PHEX: variants seen among roughly 807,000 people sequenced by gnomAD.
PHEX encodes phosphate-regulating neutral endopeptidase PHEX.
PHEX carries 16 observed loss-of-function variants against 68.0 expected under a neutral mutation model. The observed-to-expected ratio is 0.24, with a 90% CI of 0.16 to 0.36. The LOEUF is 0.36. PHEX is among the 10% of genes least tolerant of loss of function. The pLI is 1.00. For synonymous variants in PHEX, 208 were observed against 205.1 expected (o/e 1.01, Z -0.12); for missense variants, 480 against 575.5 (o/e 0.83, Z 1.70).
rs7882590 is a variant in PHEX, at chrX:22,099,430, C to T, written c.1079+279C>T. 0.046 allele frequency: 13,032 copies of T among 282,499 alleles called. 432 individuals carry two copies. The highest frequency in any genetic ancestry group is 0.15 in the African/African-American group (5,569 of 36,362). 23.3% of individuals were successfully genotyped at this position (282,499 alleles called of 1,213,427 possible). A position where few individuals can be genotyped will look rare whatever the true frequency, so the allele number is the denominator to read the frequency against. Reference sequence around the variant, plus strand: ...TTGTTTATGAGCTTGGGGAGCTAGTCATATAATGATGTTATTTTCTAAAAT... The same window carrying T: ...TTGTTTATGAGCTTGGGGAGCTAGTTATATAATGATGTTATTTTCTAAAAT... On this transcript the variant is annotated intron_variant, in intron 9 of 21. Transcript: ENST00000379374.
At chrX:22,107,029 A>G (rs931028693) in intron 9 of PHEX, among the ~76,000 whole-genome samples, 1 of 111,635 alleles carries the variant, frequency 9.0e-6, no homozygotes, top group African/African-American at 3.3e-5. Flanking sequence ...ACTTTTAACA[A>G]CTTCCCCAGG....
chrX:22,153,056 A>G (rs1039678007), intron 12 of PHEX, among the ~76,000 whole-genome samples: 1 of 108,749 alleles, frequency 9.2e-6, no homozygotes, highest in African/African-American at 3.4e-5. Context: ...CAGTGGCACC[A>G]TCATAGCTCA....
intron 9 of PHEX, among the ~76,000 whole-genome samples, chrX:22,104,441 A>T (rs777702353): frequency 9.1e-6 from 1 of 109,713 alleles, no homozygotes; most frequent in African/African-American, 3.3e-5. Context: ...CTGGTGTTTG[A>T]GGTGGAAAGG....
At position 22,126,358 on chromosome X, in the gene PHEX, G is replaced by T. The variant is rs751066580; in HGVS notation, c.1303-7165G>T. On this transcript the variant is annotated intron_variant, in intron 11 of 21. Transcript: ENST00000379374. ...TTGAAAGTGTGGGTTTAAGTGTTTG[G>T]GATTCATGGGTATGAGATAGGATTT... Among the ~76,000 whole-genome samples the T allele has an allele frequency of 9.8e-5, 11 of 111,700 alleles. No homozygotes were observed. In the South Asian group the frequency reaches 3.0e-3, roughly 30 times the overall value.
chrX:22,230,139 A>ACT (rs778813742), intron 20 of PHEX, among the ~76,000 whole-genome samples: 2 of 106,076 alleles, frequency 1.9e-5, no homozygotes, highest in South Asian at 8.5e-4. Flanking sequence ...TGTTTTGGAT[A>ACT]CTGCAGTCTT....
At position 22,250,793 on chromosome X, in the gene PHEX, T is replaced by C. The variant is rs1936545825; in HGVS notation, c.*2840T>C. Reference sequence around the variant, plus strand: ...AAGTTTATTTAGTGCCTTGCCTCAATGGAGCTTAAAGCATAGCACATAAAT... The same window carrying C: ...AAGTTTATTTAGTGCCTTGCCTCAACGGAGCTTAAAGCATAGCACATAAAT... On this transcript the variant is annotated 3_prime_UTR_variant, in exon 22 of 22. Coordinates refer to ENST00000379374, the MANE Select transcript of PHEX (RefSeq NM_000444.6). 1 of 111,990 alleles carries C rather than the reference T, an allele frequency of 8.9e-6. No individual in the cohort carries two copies. Among genetic ancestry groups the C allele is most frequent in the South Asian group, 3.7e-4 (1 of 2,694 alleles). The allele number at this position is 111,990 out of a possible 1,213,427, so 9.2% of individuals were successfully genotyped here.
chrX:22,158,879 C>T (rs189346072), intron 12 of PHEX, among the ~76,000 whole-genome samples: 32 of 111,880 alleles, frequency 2.9e-4, no homozygotes, highest in African/African-American at 1.0e-3. Context: ...TTTCAATGTT[C>T]CTCATTTTTC....
At chrX:22,177,799 C>T (rs1025884134) in intron 13 of PHEX, among the ~76,000 whole-genome samples, 1 of 111,823 alleles carries the variant, frequency 8.9e-6, no homozygotes, top group Non-Finnish European at 1.9e-5. Flanking sequence ...TTACGAACAA[C>T]TACCAATTAT....
intron 20 of PHEX, among the ~76,000 whole-genome samples, chrX:22,242,424 C>T (rs756297165): frequency 9.0e-6 from 1 of 111,579 alleles, no homozygotes; most frequent in Non-Finnish European, 1.9e-5. Flanking sequence ...GAAGTTCTGG[C>T]CAGGGCAATC....
At chrX:22,060,378 G>A (rs1379706411) in intron 3 of PHEX, among the ~76,000 whole-genome samples, 1 of 110,844 alleles carries the variant, frequency 9.0e-6, no homozygotes, top group African/African-American at 3.3e-5. Flanking sequence ...AAACCTGGAG[G>A]TGCTGGGAGC....
At chrX:22,143,766 T>G (rs1011838609) in intron 12 of PHEX, among the ~76,000 whole-genome samples, 20 of 112,375 alleles carry the variant, frequency 1.8e-4, no homozygotes, top group African/African-American at 6.5e-4. Context: ...GGCGTCCCCA[T>G]TGATAGTCTT....
At chrX:22,116,035 T>A (rs1931219398) in intron 11 of PHEX, among the ~76,000 whole-genome samples, 1 of 112,392 alleles carries the variant, frequency 8.9e-6, no homozygotes, top group African/African-American at 3.2e-5. Flanking sequence ...TTTTCCATGC[T>A]ATTTTCCATA....
rs765140549 is a variant in PHEX, at chrX:22,148,201, C to T, written c.1404+14577C>T. On this transcript the variant is annotated intron_variant, in intron 12 of 21. Coordinates refer to ENST00000379374, the MANE Select transcript of PHEX (RefSeq NM_000444.6). ...GGCTGTGGCTGGACGTCCAAGGTGG[C>T]TTCTTCACACATGTGTCTGGCACCT... Among the ~76,000 whole-genome samples the T allele has an allele frequency of 2.7e-5, 3 of 111,140 alleles. No homozygotes were observed. The East Asian group carries it at 8.5e-4, about 31-fold the overall frequency.
chrX:22,246,924 G>GT (rs1401840179), intron 21 of PHEX, among the ~76,000 whole-genome samples: 1 of 111,596 alleles, frequency 9.0e-6, no homozygotes, highest in African/African-American at 3.3e-5. Context: ...AAGGGGGGAA[G>GT]TTTTTTGTGT....
At chrX:22,238,617 C>CTGTT (rs771794385) in intron 20 of PHEX, among the ~76,000 whole-genome samples, 10 of 111,563 alleles carry the variant, frequency 9.0e-5, no homozygotes, top group Admixed American at 1.9e-4. Context: ...CTTGAGTAGG[C>CTGTT]TGTTTTACCC....
chrX:22,201,334 G>A (rs994920301), intron 15 of PHEX, among the ~76,000 whole-genome samples: 1 of 110,915 alleles, frequency 9.0e-6, no homozygotes, highest in Non-Finnish European at 1.9e-5. Context: ...TCACCACCAC[G>A]CCTGGCTATT....
chrX:22,062,085 G>A lies in PHEX; in HGVS notation c.350-14303G>A, dbSNP rs1241553658. Among the ~76,000 whole-genome samples, 6 of 111,003 alleles carry A rather than the reference G, an allele frequency of 5.4e-5. No individual in the cohort carries two copies. The Admixed American group carries it at 5.8e-4, about 11-fold the overall frequency. On this transcript the variant is annotated intron_variant, in intron 3 of 21. Transcript: ENST00000379374. ...TTCACTATCACGAGAACAGCATGGG[G>A]GAAGAATGCCCCCATGATCTAATCA...
intron 5 of PHEX, among the ~76,000 whole-genome samples, chrX:22,080,297 G>A (rs1332425762): frequency 3.6e-5 from 4 of 111,997 alleles, no homozygotes; most frequent in East Asian, 2.8e-4. Flanking sequence ...TGTCAAGATG[G>A]CAGCTTGTTC....
intron 15 of PHEX, among the ~76,000 whole-genome samples, chrX:22,201,240 G>A (rs759364130): frequency 1.8e-5 from 2 of 111,192 alleles, no homozygotes; most frequent in Middle Eastern, 4.6e-3. Context: ...GCAGTGGCCC[G>A]ATCTTGGCTT....
Sources: gnomAD v4.1 joint callset for allele counts (sites outside exome capture counted in the v4.1 genomes callset) on GRCh38, gnomAD v4.1.1 for gene constraint, MANE v1.5 for transcripts, NCBI Gene and HGNC (gene_info 2026-07-23, HGNC 2026-07-21) for gene names.